APOBEC3B: variants seen among roughly 807,000 people sequenced by gnomAD.
APOBEC3B encodes the protein apolipoprotein B mRNA editing enzyme catalytic subunit 3B, also known as DNA dC->dU-editing enzyme APOBEC-3B.
A neutral mutation model predicts 53.4 loss-of-function variants in APOBEC3B; 29 were observed. The observed-to-expected ratio is 0.54, with a 90% confidence interval of 0.40 to 0.74. The LOEUF (loss-of-function observed/expected upper bound fraction) is 0.74. Among genes scored for constraint, APOBEC3B ranks in the 30% least tolerant of loss-of-function variants. The pLI, the probability that APOBEC3B is intolerant of heterozygous loss-of-function variation, is 0.00. For synonymous variants in APOBEC3B, 132 were observed against 184.8 expected (o/e 0.71, Z 2.32); for missense variants, 347 against 496.2 (o/e 0.70, Z 2.86).
At position 38,983,014 on chromosome 22, in the gene APOBEC3B, T is replaced by C. The variant is rs541532691; in HGVS notation, c.17+544T>C. Among the ~76,000 whole-genome samples the C allele has an allele frequency of 4.9e-4, 72 of 148,440 alleles. 4 individuals carry two copies. Among genetic ancestry groups the C allele is most frequent in the African/African-American group, 1.6e-3 (67 of 40,866 alleles). On this transcript the variant is annotated intron_variant, in intron 1 of 7. Transcript: ENST00000333467. Reference sequence around the variant, plus strand: ...ACAGGTTCCACTCCAAGGTCACTCTTCATCTTTTAGAACATGACCAGTGGT... The same window carrying C: ...ACAGGTTCCACTCCAAGGTCACTCTCCATCTTTTAGAACATGACCAGTGGT...
chr22:38,982,486 C>T lies in APOBEC3B; in HGVS notation c.17+16C>T. The T allele has an allele frequency of 1.9e-6, 3 of 1,593,386 alleles. No homozygotes were observed. Among genetic ancestry groups the T allele is most frequent in the Non-Finnish European group, 2.6e-6 (3 of 1,172,418 alleles). ...CACAGATCAGGTACCGCTGCCCACT[C>T]TGCCTGCTGGGCCCCTCCTGCCCCT... is the stretch of plus-strand genomic sequence containing the variant. On this transcript the variant is annotated intron_variant, in intron 1 of 7. Coordinates refer to ENST00000333467, the MANE Select transcript of APOBEC3B (RefSeq NM_004900.5).
In APOBEC3B at chr22:38,983,978, C is replaced by A. The variant is rs1034049000; in HGVS notation, c.18-97C>A. ...CAGGGCTGTGGAGGGGTCGGGGAGG[C>A]CCAGGGCCATCCTGGGAGCTGTGTT... On this transcript the variant is annotated intron_variant, in intron 1 of 7. Coordinates refer to ENST00000333467, the MANE Select transcript of APOBEC3B (RefSeq NM_004900.5). 11 of 1,429,220 alleles carry A rather than the reference C, an allele frequency of 7.7e-6. 1 individual carries two copies. Among genetic ancestry groups the A allele is most frequent in the African/African-American group, 1.4e-5 (1 of 70,524 alleles). The allele number at this position is 1,429,220 out of a possible 1,614,324, so 88.5% of individuals were successfully genotyped here.
Position 38,988,742 on chromosome 22 carries a change from T to TTTCC in APOBEC3B, c.570-712_570-711insCTTC, listed in dbSNP as rs1460841597. Among the ~76,000 whole-genome samples the TTTCC allele has an allele frequency of 1.6e-5, 2 of 123,310 alleles. 1 individual carries two copies. Among genetic ancestry groups the TTTCC allele is most frequent in the Non-Finnish European group, 3.3e-5 (2 of 60,724 alleles). The allele number at this position is 123,310 out of a possible 152,430, so 80.9% of individuals were successfully genotyped here. On this transcript the variant is annotated intron_variant, in intron 4 of 7. Transcript: ENST00000333467. The stretch of plus-strand genomic sequence containing the variant: ...CTTTCTTTCTTTCTTTCTTTCTTTC[T>TTTCC]TTCTTCCTTTCTTCTCTCTCGTCTT...
At chr22:38,988,687 T>TTTCTCTCTCTCTC (rs1491021212) in intron 4 of APOBEC3B, among the ~76,000 whole-genome samples, 9 of 45,190 alleles carry the variant, frequency 2.0e-4, no homozygotes, top group Admixed American at 2.4e-4. Context: ...CTCTTTCTCT[T>TTTCTCTCTCTCTC]TCTTTCTTTC....
intron 1 of APOBEC3B, among the ~76,000 whole-genome samples, chr22:38,983,346 C>T (rs1295675635): frequency 1.4e-5 from 2 of 147,794 alleles, no homozygotes; most frequent in Admixed American, 7.0e-5. Flanking sequence ...TGATCAGTAA[C>T]ATGGAATGTG....
chr22:38,986,903 C>T (rs1472061381), intron 4 of APOBEC3B, among the ~76,000 whole-genome samples: 1 of 146,202 alleles, frequency 6.8e-6, no homozygotes, highest in Non-Finnish European at 1.5e-5. Context: ...GCCCCTGACT[C>T]TCCCTCACTA....
Position 38,983,622 on chromosome 22 carries a change from C to G in APOBEC3B, c.18-453C>G, listed in dbSNP as rs192672160. ...TAGGGTAGCCTCACGTGAGCTCACA[C>G]CCGCTCAGCACTTAGAAGAGTGGCC... is the stretch of plus-strand genomic sequence containing the variant. On this transcript the variant is annotated intron_variant, in intron 1 of 7. Coordinates refer to ENST00000333467, the MANE Select transcript of APOBEC3B (RefSeq NM_004900.5). Among the ~76,000 whole-genome samples, 342 of 149,196 alleles carry G rather than the reference C, an allele frequency of 2.3e-3. 25 individuals are homozygous for G. The highest frequency in any genetic ancestry group is 6.8e-3 in the Middle Eastern group (2 of 292).
rs1335760922 is a variant in APOBEC3B, at chr22:38,984,129, A to G, written c.72A>G (p.Glu24=). 1 of 1,589,964 alleles carries G rather than the reference A, an allele frequency of 6.3e-7. No homozygotes were observed. The highest frequency in any genetic ancestry group is 2.5e-5 in the East Asian group (1 of 40,236). ...RDTFYDNFEN[E]PILYGRSYTW... ...CATTCTACGACAACTTTGAAAACGA[A>G]CCCATCCTCTATGGTCGGAGCTACA... The change falls in exon 2 of 8, where the codon GAA becomes GAG. Residue 24 remains glutamate, a synonymous_variant. Coordinates refer to ENST00000333467, the MANE Select transcript of APOBEC3B (RefSeq NM_004900.5).
In APOBEC3B at chr22:38,982,411, A is replaced by C. The variant is rs753668578; in HGVS notation, c.-43A>C. ...CAGGAAGTGAAACCACAGAGCTTCA[A>C]AAAAAGAGCGGGACAGGGACAAGCG... On this transcript the variant is annotated 5_prime_UTR_variant, in exon 1 of 8. Coordinates refer to ENST00000333467, the MANE Select transcript of APOBEC3B (RefSeq NM_004900.5). 4.4e-6 allele frequency: 7 copies of C among 1,592,992 alleles called. No individual in the cohort carries two copies.
chr22:38,991,813 T>G (rs1924013154), intron 6 of APOBEC3B, among the ~76,000 whole-genome samples, 187 bp downstream of exon 6: 1 of 147,324 alleles, frequency 6.8e-6, no homozygotes, highest in Non-Finnish European at 1.5e-5. Flanking sequence ...TGGCTGGAAG[T>G]GGAAGCAGAA....
intron 1 of APOBEC3B, 108 bp downstream of exon 1, chr22:38,982,578 C>G (rs1923576748): frequency 7.4e-7 from 1 of 1,352,344 alleles, no homozygotes; most frequent in Non-Finnish European, 1.0e-6. Flanking sequence ...GCCCTGGGCT[C>G]CCTCCCCTCT....
chr22:38,984,213 AG>A lies in APOBEC3B; in HGVS notation c.160del (p.Val54SerfsTer63), dbSNP rs768900538. On this transcript the variant is annotated frameshift_variant, in exon 2 of 8. Transcript: ENST00000333467. LOFTEE classifies it high-confidence loss of function. ...RGRSNLLWDT[G>X]VFRGQVYFKP... is the part of the protein sequence containing the mutation. ...GCCGCTCAAATCTCCTTTGGGACAC[AG>A]GGGTCTTTCGAGGCCAGGTACCACC... 4.0e-5 allele frequency: 64 copies of A among 1,591,706 alleles called. 20 individuals carry two copies. The East Asian group carries it at 6.0e-4, about 15-fold the overall frequency.
chr22:38,986,501 C>A, intron 4 of APOBEC3B, 89 bp downstream of exon 4: 1 of 1,434,170 alleles, frequency 7.0e-7, no homozygotes, highest in Non-Finnish European at 9.4e-7. Context: ...CCCGCCCTCC[C>A]TCTTGACCCA....
rs767518498 is a variant in APOBEC3B at position 38,984,141 on chromosome 22, T to A, written c.84T>A (p.Tyr28Ter). The change falls in exon 2 of 8, where the codon TAT (tyrosine) becomes TAA (stop). Residue 28 changes from tyrosine to a stop codon, truncating the protein, a stop_gained. Coordinates refer to ENST00000333467, the MANE Select transcript of APOBEC3B (RefSeq NM_004900.5). LOFTEE classifies it high-confidence loss of function. Reference sequence around the variant, plus strand: ...ACTTTGAAAACGAACCCATCCTCTATGGTCGGAGCTACACTTGGCTGTGCT... The same window carrying A: ...ACTTTGAAAACGAACCCATCCTCTAAGGTCGGAGCTACACTTGGCTGTGCT... ...YDNFENEPIL[Y>*]GRSYTWLCYE... 26 of 1,591,508 alleles carry A rather than the reference T, an allele frequency of 1.6e-5. 4 individuals carry two copies. The South Asian group carries it at 2.8e-4, about 17-fold the overall frequency.
At position 38,984,068 on chromosome 22, in the gene APOBEC3B, C is replaced by A; in HGVS notation, c.18-7C>A. ...TGCATGGGCCGGTTTCTCTCTTGTGCCTTCAGAAATCCGATGGAGCGGATG... is the reference window on the plus strand; with the variant it reads ...TGCATGGGCCGGTTTCTCTCTTGTGACTTCAGAAATCCGATGGAGCGGATG... On this transcript the variant is annotated splice_polypyrimidine_tract_variant and splice_region_variant and intron_variant, in intron 1 of 7. Transcript: ENST00000333467. 3.8e-6 allele frequency: 6 copies of A among 1,573,874 alleles called. No homozygotes were observed. The highest frequency in any genetic ancestry group is 5.1e-6 in the Non-Finnish European group (6 of 1,165,310).
chr22:38,989,356 T>G lies in APOBEC3B; in HGVS notation c.570-101T>G. ...GCGCCTCCTCTGACAGGTGCCTCAGTATATGGGGAGCAGGGAAGGAGTGGG... is the reference window on the plus strand; with the variant it reads ...GCGCCTCCTCTGACAGGTGCCTCAGGATATGGGGAGCAGGGAAGGAGTGGG... On this transcript the variant is annotated intron_variant, in intron 4 of 7. Coordinates refer to ENST00000333467, the MANE Select transcript of APOBEC3B (RefSeq NM_004900.5). 4 of 1,161,778 alleles carry G rather than the reference T, an allele frequency of 3.4e-6. 1 individual carries two copies. Among genetic ancestry groups the G allele is most frequent in the Non-Finnish European group, 4.8e-6 (4 of 840,756 alleles). 72.0% of individuals were successfully genotyped at this position (1,161,778 alleles called of 1,614,324 possible). A position where few individuals can be genotyped will look rare whatever the true frequency, so the allele number is the denominator to read the frequency against.
chr22:38,992,689 G>C lies in APOBEC3B; in HGVS notation c.*244G>C. The C allele has an allele frequency of 8.9e-7, 1 of 1,120,614 alleles. No individual in the cohort carries two copies. The highest frequency in any genetic ancestry group is 1.2e-6 in the Non-Finnish European group (1 of 800,580). The allele number at this position is 1,120,614 out of a possible 1,614,324, so 69.4% of individuals were successfully genotyped here. On this transcript the variant is annotated 3_prime_UTR_variant, in exon 8 of 8. Coordinates refer to ENST00000333467, the MANE Select transcript of APOBEC3B (RefSeq NM_004900.5). Reference sequence around the variant, plus strand: ...GATTATGCTCAATATTCCCAGAATAGTTTTCAATGTATTAATGAAGTGATT... The same window carrying C: ...GATTATGCTCAATATTCCCAGAATACTTTTCAATGTATTAATGAAGTGATT...
chr22:38,987,706 C>G (rs189501536), intron 4 of APOBEC3B, among the ~76,000 whole-genome samples: 1 of 148,630 alleles, frequency 6.7e-6, no homozygotes, highest in Non-Finnish European at 1.5e-5. Context: ...AGGATGCACA[C>G]GACCCCAGAC....
intron 1 of APOBEC3B, 96 bp downstream of exon 1, chr22:38,982,566 C>T: frequency 3.5e-6 from 5 of 1,444,022 alleles, no homozygotes; most frequent in Admixed American, 1.9e-5. Flanking sequence ...GCCCCTGCCC[C>T]AGCCCTGGGC....
Sources: gnomAD v4.1 joint callset for allele counts (sites outside exome capture counted in the v4.1 genomes callset) on GRCh38, gnomAD v4.1.1 for gene constraint, MANE v1.5 for transcripts, NCBI Gene and HGNC (gene_info 2026-07-23, HGNC 2026-07-21) for gene names.